The following ERBB4 variants were observed in gnomAD, a reference collection of about 807,000 sequenced individuals.
The protein encoded by ERBB4 is receptor tyrosine-protein kinase erbB-4.
Under a neutral mutation model 158.0 loss-of-function variants are expected in ERBB4, and 42 were observed. The ratio of observed to expected loss-of-function variants is 0.27; its 90% CI spans 0.21 to 0.34. The LOEUF (loss-of-function observed/expected upper bound fraction) is 0.34. ERBB4 is among the 10% of genes least tolerant of loss of function. The pLI is 1.00. For missense variants in ERBB4, 1,333 were observed against 1,624.1 expected (o/e 0.82, Z 3.08); for synonymous variants, 583 against 558.7 (o/e 1.04, Z -0.61).
At chr2:212,184,035 A>G (rs1240245114) in intron 1 of ERBB4, among the ~76,000 whole-genome samples, 1 of 152,114 alleles carries the variant, frequency 6.6e-6, no homozygotes, top group African/African-American at 2.4e-5. Flanking sequence ...GTGACCATAC[A>G]CATCACTAGC....
chr2:211,477,040 G>A (rs2064971677), intron 20 of ERBB4, among the ~76,000 whole-genome samples: 1 of 152,056 alleles, frequency 6.6e-6, no homozygotes, highest in Non-Finnish European at 1.5e-5. Context: ...TTCTAAAGGT[G>A]TTTTTGGATG....
At chr2:212,370,392 A>G (rs1373537092) in intron 1 of ERBB4, among the ~76,000 whole-genome samples, 1 of 152,306 alleles carries the variant, frequency 6.6e-6, no homozygotes, top group Admixed American at 6.5e-5. Context: ...GGATTAATAA[A>G]CTGACCAAAC....
At chr2:211,876,256 C>A (rs538483515) in intron 3 of ERBB4, among the ~76,000 whole-genome samples, 1 of 152,074 alleles carries the variant, frequency 6.6e-6, no homozygotes, top group African/African-American at 2.4e-5. Flanking sequence ...TCCTTGCACA[C>A]GTCAGTAGGT....
chr2:211,549,831 T>C (rs1050193834), intron 20 of ERBB4, among the ~76,000 whole-genome samples: 5 of 152,176 alleles, frequency 3.3e-5, no homozygotes, highest in African/African-American at 1.2e-4. Flanking sequence ...AGTACCTTTA[T>C]GAGCCAACGA....
intron 1 of ERBB4, among the ~76,000 whole-genome samples, chr2:212,530,784 G>A (rs980256158): frequency 3.3e-5 from 5 of 152,192 alleles, no homozygotes; most frequent in African/African-American, 9.7e-5. Flanking sequence ...GGGACCAGGA[G>A]TAAGTAAAGG....
At chr2:211,906,022 G>A (rs1331902167) in intron 3 of ERBB4, among the ~76,000 whole-genome samples, 1 of 151,858 alleles carries the variant, frequency 6.6e-6, no homozygotes, top group Non-Finnish European at 1.5e-5. Context: ...GAACAACAGA[G>A]GTAGCACACC....
chr2:212,489,170 C>T (rs16848694), intron 1 of ERBB4, among the ~76,000 whole-genome samples: 4,920 of 151,868 alleles, frequency 0.032, 275 homozygotes, highest in African/African-American at 0.11. Context: ...GCACAAATGA[C>T]CTTTTCCCCT....
intron 20 of ERBB4, among the ~76,000 whole-genome samples, chr2:211,454,207 T>C (rs1559183942): frequency 1.3e-5 from 2 of 152,182 alleles, no homozygotes; most frequent in Non-Finnish European, 2.9e-5. Context: ...CTAATATTTG[T>C]ATTAAAATTA....
chr2:212,244,885 C>T (rs560770705), intron 1 of ERBB4, among the ~76,000 whole-genome samples: 4 of 152,242 alleles, frequency 2.6e-5, no homozygotes, highest in African/African-American at 9.6e-5. Context: ...GTGCCAGACA[C>T]ACATTCTTAC....
intron 19 of ERBB4, among the ~76,000 whole-genome samples, chr2:211,611,089 C>A (rs2069175590): frequency 6.6e-6 from 1 of 152,096 alleles, no homozygotes; most frequent in African/African-American, 2.4e-5. Flanking sequence ...TGCCTGCAGT[C>A]AACTGAGGGA....
rs531764877 is a variant in ERBB4 at position 212,436,588 on chromosome 2, A to G, written c.82+101861T>C. 1.1e-4 allele frequency among the ~76,000 whole-genome samples: 16 copies of G among 152,128 alleles called. No homozygotes were observed. In the South Asian group the frequency reaches 2.9e-3, roughly 28 times the overall value. Reference sequence around the variant, plus strand: ...CTCCTTTCTAAGTCTCAGCTTCTCTACATTCAAGTTTTAAATACAACAGTT... The same window carrying G: ...CTCCTTTCTAAGTCTCAGCTTCTCTGCATTCAAGTTTTAAATACAACAGTT... On this transcript the variant is annotated intron_variant, in intron 1 of 27. Coordinates refer to ENST00000342788, the MANE Select transcript of ERBB4 (RefSeq NM_005235.3).
At chr2:212,157,873 A>G (rs2081088544) in intron 1 of ERBB4, among the ~76,000 whole-genome samples, 1 of 152,076 alleles carries the variant, frequency 6.6e-6, no homozygotes, top group Non-Finnish European at 1.5e-5. Flanking sequence ...GGAGGTAAGA[A>G]GACCAGAGGG....
chr2:211,617,201 A>G (rs906995020), intron 19 of ERBB4, among the ~76,000 whole-genome samples: 13 of 152,222 alleles, frequency 8.5e-5, no homozygotes, highest in Middle Eastern at 3.4e-3. Context: ...TCAAGCCTCC[A>G]GCAGAGATTA....
intron 20 of ERBB4, among the ~76,000 whole-genome samples, chr2:211,512,767 C>G (rs1414682681): frequency 6.6e-6 from 1 of 152,092 alleles, no homozygotes; most frequent in Non-Finnish European, 1.5e-5. Context: ...AGGTCTCCCA[C>G]TGCCATGTTT....
chr2:211,990,703 A>G (rs1336027180), intron 2 of ERBB4, among the ~76,000 whole-genome samples: 1 of 152,036 alleles, frequency 6.6e-6, no homozygotes, highest in South Asian at 2.1e-4. Flanking sequence ...TGCTCAAGTG[A>G]AAAGTTCAGC....
chr2:211,649,590 T>C (rs1018314310), intron 16 of ERBB4, among the ~76,000 whole-genome samples: 2 of 151,872 alleles, frequency 1.3e-5, no homozygotes, highest in African/African-American at 4.8e-5. Flanking sequence ...GGAAAAAACA[T>C]GGTGTTTTTC....
chr2:211,455,385 G>C (rs147707112), intron 20 of ERBB4, among the ~76,000 whole-genome samples: 1 of 152,142 alleles, frequency 6.6e-6, no homozygotes, highest in Non-Finnish European at 1.5e-5. Context: ...AGTTGCCAGG[G>C]ACAATGGGTT....
Position 211,430,943 on chromosome 2 carries a change from A to G in ERBB4, c.2643+2T>C, listed in dbSNP as rs2063736472. 6.2e-7 allele frequency: 1 copy of G among 1,612,252 alleles called. No individual in the cohort carries two copies. The highest frequency in any genetic ancestry group is 8.5e-7 in the Non-Finnish European group (1 of 1,178,388). On this transcript the variant is annotated splice_donor_variant, in intron 21 of 27. Transcript: ENST00000342788. LOFTEE classifies it high-confidence loss of function. Reference sequence around the variant, plus strand: ...CAAGATTGCTCTCAAAAAGATACCCACCTTTCCTCCATCAGCATTGTACTC... The same window carrying G: ...CAAGATTGCTCTCAAAAAGATACCCGCCTTTCCTCCATCAGCATTGTACTC...
At chr2:212,065,665 T>C (rs1403259752) in intron 2 of ERBB4, among the ~76,000 whole-genome samples, 1 of 151,986 alleles carries the variant, frequency 6.6e-6, no homozygotes, top group African/African-American at 2.4e-5. Context: ...GTGGAAACTG[T>C]GTGAAAATGT....
Sources: allele counts gnomAD v4.1 joint callset (sites outside exome capture counted in the v4.1 genomes callset), GRCh38; gene constraint gnomAD v4.1.1; transcripts MANE v1.5; gene names NCBI Gene and HGNC (gene_info 2026-07-23, HGNC 2026-07-21).